Variants in BANK1 observed in about 807,000 individuals in gnomAD.
BANK1 encodes the protein B cell scaffold protein with ankyrin repeats 1.
A neutral mutation model predicts 94.5 loss-of-function variants in BANK1; 95 were observed. That is an observed-to-expected ratio of 1.00 (90% CI 0.85 to 1.19). The LOEUF (loss-of-function observed/expected upper bound fraction) is 1.19, where lower values mean the gene tolerates loss of function less well. Among genes scored for constraint, BANK1 ranks in the 50% most tolerant of loss-of-function variants. The probability of loss-of-function intolerance (pLI) is 0.00; values close to 1 mark genes in which losing one functional copy is unlikely to be tolerated. For missense variants in BANK1, 987 were observed against 932.2 expected (o/e 1.06, Z -0.77); for synonymous variants, 334 against 308.4 (o/e 1.08, Z -0.87).
chr4:102,039,473 CTTGT>C (rs937261686), intron 10 of BANK1, among the ~76,000 whole-genome samples: 14 of 151,910 alleles, frequency 9.2e-5, no homozygotes, highest in Admixed American at 7.2e-4. Flanking sequence ...ACTGTGGTTG[CTTGT>C]TTGTTTGTTT....
intron 7 of BANK1, among the ~76,000 whole-genome samples, chr4:101,935,943 C>G (rs944249004): frequency 1.3e-5 from 2 of 151,432 alleles, no homozygotes; most frequent in Middle Eastern, 3.2e-3. Context: ...AAATCTAACA[C>G]GTCAAGCTAT....
At chr4:101,804,636 C>G (rs534973450) in intron 1 of BANK1, among the ~76,000 whole-genome samples, 2 of 152,148 alleles carry the variant, frequency 1.3e-5, no homozygotes, top group Non-Finnish European at 2.9e-5. Flanking sequence ...ATCCTGTAAA[C>G]AGATGATGTA....
intron 1 of BANK1, among the ~76,000 whole-genome samples, chr4:101,804,029 A>G (rs868792944): frequency 0.032 from 4,230 of 131,682 alleles, 314 homozygotes; most frequent in African/African-American, 0.11. Context: ...AAAAAAAGAA[A>G]TATATAAAAA....
chr4:101,839,045 T>C (rs75217652), intron 2 of BANK1, among the ~76,000 whole-genome samples: 1 of 152,242 alleles, frequency 6.6e-6, no homozygotes, highest in Non-Finnish European at 1.5e-5. Context: ...AGAAACACAA[T>C]AGGTAGTTTA....
chr4:102,058,617 TAGTAA>T (rs757653227), intron 11 of BANK1, among the ~76,000 whole-genome samples: 20 of 151,778 alleles, frequency 1.3e-4, no homozygotes, highest in Non-Finnish European at 2.5e-4. Flanking sequence ...GAATAAAAGG[TAGTAA>T]AGTGCCTAAA....
chr4:101,883,369 A>G (rs1414690813), intron 5 of BANK1, among the ~76,000 whole-genome samples: 1 of 152,198 alleles, frequency 6.6e-6, no homozygotes, highest in Non-Finnish European at 1.5e-5. Context: ...CCATTAATAC[A>G]ACCTTAATAT....
chr4:102,002,052 T>G (rs1560678414), intron 7 of BANK1, among the ~76,000 whole-genome samples: 1 of 152,226 alleles, frequency 6.6e-6, no homozygotes, highest in African/African-American at 2.4e-5. Flanking sequence ...CCTCCATGTT[T>G]TTGGCTTCAT....
In BANK1 at chr4:101,873,357, G is replaced by A. The variant is rs539785929; in HGVS notation, c.903+2713G>A. 5.3e-5 allele frequency among the ~76,000 whole-genome samples: 8 copies of A among 152,208 alleles called. No homozygotes were observed. The South Asian group carries it at 1.7e-3, about 32-fold the overall frequency. On this transcript the variant is annotated intron_variant, in intron 5 of 16. Coordinates refer to ENST00000322953, the MANE Select transcript of BANK1 (RefSeq NM_017935.5). ...GTGATTTCAGTAATCCTAAAAATTA[G>A]TAGTAAGATCTTTCTCATGAGCATT...
intron 1 of BANK1, among the ~76,000 whole-genome samples, chr4:101,803,621 AT>A (rs1487603152): frequency 3.9e-5 from 6 of 152,144 alleles, no homozygotes. Flanking sequence ...TTATATGTGG[AT>A]TTTTTTCAAT....
intron 7 of BANK1, among the ~76,000 whole-genome samples, chr4:101,978,795 C>T (rs955153354): frequency 6.6e-6 from 1 of 152,006 alleles, no homozygotes; most frequent in Non-Finnish European, 1.5e-5. Context: ...GAAATACAGA[C>T]TTAAATACAA....
rs114166349 is a variant in BANK1 at position 101,921,883 on chromosome 4, T to A, written c.1206+3694T>A. On this transcript the variant is annotated intron_variant, in intron 7 of 16. Transcript: ENST00000322953. ...CAGCTTTCCATGCACATTCTCTAACTGGCTTTTCAGAAGTACTCCTGATTG... is the reference window on the plus strand; with the variant it reads ...CAGCTTTCCATGCACATTCTCTAACAGGCTTTTCAGAAGTACTCCTGATTG... Among the ~76,000 whole-genome samples the A allele has an allele frequency of 3.2e-3, 490 of 152,056 alleles. 2 individuals carry two copies. The highest frequency in any genetic ancestry group is 0.011 in the African/African-American group (464 of 41,524).
chr4:101,887,659 T>A, intron 5 of BANK1, among the ~76,000 whole-genome samples: 1 of 152,194 alleles, frequency 6.6e-6, no homozygotes, highest in African/African-American at 2.4e-5. Flanking sequence ...AAACATATTT[T>A]CTTCATGTAA....
chr4:101,955,140 C>G (rs779463633), intron 7 of BANK1, among the ~76,000 whole-genome samples: 3 of 152,062 alleles, frequency 2.0e-5, no homozygotes, highest in Admixed American at 6.6e-5. Context: ...GTTGCTCATG[C>G]GAGCAATGAA....
intron 6 of BANK1, among the ~76,000 whole-genome samples, chr4:101,912,461 C>T (rs1413442349): frequency 1.3e-5 from 2 of 151,712 alleles, no homozygotes; most frequent in East Asian, 1.9e-4. Context: ...GTATTGGTCA[C>T]GGTTCTCAAG....
At chr4:101,899,300 C>T (rs147090909) in intron 6 of BANK1, among the ~76,000 whole-genome samples, 25 of 152,228 alleles carry the variant, frequency 1.6e-4, no homozygotes, top group Admixed American at 1.6e-3. Flanking sequence ...TTGATGTATA[C>T]ATAAGACATT....
intron 5 of BANK1, among the ~76,000 whole-genome samples, chr4:101,871,418 TA>T (rs1463299705): frequency 6.6e-6 from 1 of 152,014 alleles, no homozygotes; most frequent in Non-Finnish European, 1.5e-5. Context: ...GTAAGGTTTT[TA>T]ACAAAACTGT....
chr4:101,832,362 A>C (rs190956388), intron 2 of BANK1, among the ~76,000 whole-genome samples: 141 of 152,184 alleles, frequency 9.3e-4, no homozygotes, highest in African/African-American at 3.3e-3. Context: ...CTTTTATTTC[A>C]TGAAGAATTT....
intron 5 of BANK1, among the ~76,000 whole-genome samples, chr4:101,884,812 T>C (rs1427820561): frequency 6.6e-6 from 1 of 152,230 alleles, no homozygotes; most frequent in Non-Finnish European, 1.5e-5. Context: ...CCTAAACTAC[T>C]ATAATAGTCT....
chr4:101,965,686 G>A (rs1724728230), intron 7 of BANK1, among the ~76,000 whole-genome samples: 1 of 151,962 alleles, frequency 6.6e-6, no homozygotes, highest in South Asian at 2.1e-4. Context: ...TAGTATTGTG[G>A]AACTTCTCTG....
Sources: gnomAD v4.1 joint callset for allele counts (sites outside exome capture counted in the v4.1 genomes callset) on GRCh38, gnomAD v4.1.1 for gene constraint, MANE v1.5 for transcripts, NCBI Gene and HGNC (gene_info 2026-07-23, HGNC 2026-07-21) for gene names.